The following CHST11 variants were observed in gnomAD, a reference collection of about 807,000 sequenced individuals.
The protein encoded by CHST11 is C4S-1.
A neutral mutation model predicts 30.4 loss-of-function variants in CHST11; 9 were observed. The observed-to-expected ratio is 0.30, with a 90% CI of 0.18 to 0.52. The LOEUF is 0.52. Among genes scored for constraint, CHST11 ranks in the 20% least tolerant of loss-of-function variants. The pLI, the probability that CHST11 is intolerant of heterozygous loss-of-function variation, is 0.97. For synonymous variants in CHST11, 152 were observed against 187.8 expected, an observed-to-expected ratio of 0.81 and a Z score of 1.56; for missense variants, 348 against 460.6, an observed-to-expected ratio of 0.76 and a Z score of 2.24.
chr12:104,470,660 G>A (rs1446171811), intron 1 of CHST11, among the ~76,000 whole-genome samples: 3 of 152,220 alleles, frequency 2.0e-5, no homozygotes, highest in African/African-American at 7.2e-5. Flanking sequence ...GTCAGCTGCT[G>A]TATTTGGATT....
At chr12:104,754,859 C>T (rs150885082) in intron 2 of CHST11, among the ~76,000 whole-genome samples, 262 of 152,224 alleles carry the variant, frequency 1.7e-3, no homozygotes, top group Middle Eastern at 3.4e-3. Context: ...TTTTTAGTGG[C>T]GATGGCATGT....
In CHST11 at chr12:104,475,658, T is replaced by TTTTATA. The variant is rs770441229; in HGVS notation, c.118+18130_118+18131insTTATAT. Among the ~76,000 whole-genome samples the TTTTATA allele has an allele frequency of 9.2e-3, 313 of 34,164 alleles. 9 individuals are homozygous for TTTTATA. The highest frequency in any genetic ancestry group is 0.085 in the East Asian group (87 of 1,024). The allele number at this position is 34,164 out of a possible 152,430, so 22.4% of individuals were successfully genotyped here. A position where few individuals can be genotyped will look rare whatever the true frequency, so the allele number is the denominator to read the frequency against. On this transcript the variant is annotated intron_variant, in intron 1 of 2. Coordinates refer to ENST00000303694, the MANE Select transcript of CHST11 (RefSeq NM_018413.6). ...TATGATGCCTCAGAGTAAAGCAGCA[T>TTTTATA]TATATATATATATATATATATATAT... is the stretch of plus-strand genomic sequence containing the variant.
At chr12:104,569,589 G>A (rs944051177) in intron 1 of CHST11, among the ~76,000 whole-genome samples, 1 of 152,186 alleles carries the variant, frequency 6.6e-6, no homozygotes, top group African/African-American at 2.4e-5. Context: ...GGATTGATCA[G>A]CAGCAGAACT....
At chr12:104,746,345 CA>C (rs2040388943) in intron 2 of CHST11, among the ~76,000 whole-genome samples, 1 of 152,210 alleles carries the variant, frequency 6.6e-6, no homozygotes, top group Non-Finnish European at 1.5e-5. Flanking sequence ...TAGGGTGAAA[CA>C]ACCCTTTCTC....
chr12:104,523,295 T>G (rs191083108), intron 1 of CHST11, among the ~76,000 whole-genome samples: 21 of 152,338 alleles, frequency 1.4e-4, no homozygotes, highest in Admixed American at 1.4e-3. Context: ...CTGGGAGAAT[T>G]CTTTTCGCTT....
At chr12:104,460,239 T>G (rs75260809) in intron 1 of CHST11, among the ~76,000 whole-genome samples, 47 of 152,280 alleles carry the variant, frequency 3.1e-4, no homozygotes, top group African/African-American at 1.1e-3. Context: ...GCACGGATTG[T>G]GTAGCTAAAA....
chr12:104,685,782 T>G (rs1275532435), intron 2 of CHST11, among the ~76,000 whole-genome samples: 2 of 152,226 alleles, frequency 1.3e-5, no homozygotes, highest in Admixed American at 6.5e-5. Context: ...AAATAACAGC[T>G]CCTGGCACTG....
chr12:104,567,782 T>C (rs951875074), intron 1 of CHST11, among the ~76,000 whole-genome samples: 2 of 152,156 alleles, frequency 1.3e-5, no homozygotes, highest in South Asian at 2.1e-4. Flanking sequence ...TGCAATAGTA[T>C]TGGGAGGTGA....
chr12:104,704,283 A>C (rs1324759028), intron 2 of CHST11, among the ~76,000 whole-genome samples: 1 of 152,178 alleles, frequency 6.6e-6, no homozygotes, highest in Non-Finnish European at 1.5e-5. Context: ...CTCCGTGCTC[A>C]GGGAGACCCA....
intron 2 of CHST11, among the ~76,000 whole-genome samples, chr12:104,711,361 A>AAAAAGAAAG (rs1368428753): frequency 6.6e-6 from 1 of 152,260 alleles, no homozygotes; most frequent in African/African-American, 2.4e-5. Context: ...TGCTTCTTAC[A>AAAAAGAAAG]AAAAGAAAGA....
chr12:104,533,473 A>G (rs2038205907), intron 1 of CHST11, among the ~76,000 whole-genome samples: 2 of 152,232 alleles, frequency 1.3e-5, no homozygotes, highest in African/African-American at 4.8e-5. Context: ...GCCTGAAAAT[A>G]TGACCAGGTG....
At chr12:104,495,508 G>T (rs1160326519) in intron 1 of CHST11, among the ~76,000 whole-genome samples, 3 of 150,332 alleles carry the variant, frequency 2.0e-5, no homozygotes, top group East Asian at 1.9e-4. Flanking sequence ...ATTTTTTTTT[G>T]ATAGTCACAG....
chr12:104,724,512 C>T (rs2040202361), intron 2 of CHST11, among the ~76,000 whole-genome samples: 1 of 151,966 alleles, frequency 6.6e-6, no homozygotes, highest in Non-Finnish European at 1.5e-5. Flanking sequence ...TGGTTTTCTG[C>T]CCATGTCGCT....
intron 1 of CHST11, among the ~76,000 whole-genome samples, chr12:104,506,571 G>A (rs2037907286): frequency 6.6e-6 from 1 of 152,170 alleles, no homozygotes; most frequent in Non-Finnish European, 1.5e-5. Flanking sequence ...GCCAGGATGA[G>A]GCTTGGAATC....
At chr12:104,463,490 C>T (rs558151751) in intron 1 of CHST11, among the ~76,000 whole-genome samples, 32 of 152,296 alleles carry the variant, frequency 2.1e-4, no homozygotes, top group Non-Finnish European at 2.1e-4. Flanking sequence ...CTGTCTGTCT[C>T]TCTCTCTTTT....
At chr12:104,537,547 T>G (rs1163040426) in intron 1 of CHST11, among the ~76,000 whole-genome samples, 3 of 152,344 alleles carry the variant, frequency 2.0e-5, no homozygotes, top group East Asian at 3.9e-4. Flanking sequence ...TGGAGATGGA[T>G]TTATGCCCTG....
chr12:104,566,412 G>A (rs2038567635), intron 1 of CHST11, among the ~76,000 whole-genome samples: 1 of 152,158 alleles, frequency 6.6e-6, no homozygotes, highest in South Asian at 2.1e-4. Flanking sequence ...CACTCATAAT[G>A]GAAATAATTT....
chr12:104,459,386 T>C (rs1388573968), intron 1 of CHST11, among the ~76,000 whole-genome samples: 2 of 152,110 alleles, frequency 1.3e-5, no homozygotes, highest in Admixed American at 6.5e-5. Context: ...GGGCCGGTGA[T>C]TTGGTCTAGA....
At chr12:104,521,030 C>G (rs2038069219) in intron 1 of CHST11, among the ~76,000 whole-genome samples, 1 of 152,052 alleles carries the variant, frequency 6.6e-6, no homozygotes, top group Non-Finnish European at 1.5e-5. Flanking sequence ...TTTTCCCCAG[C>G]TGCCCTAATT....
Sources: gnomAD v4.1 joint callset for allele counts (sites outside exome capture counted in the v4.1 genomes callset) on GRCh38, gnomAD v4.1.1 for gene constraint, MANE v1.5 for transcripts, NCBI Gene and HGNC (gene_info 2026-07-23, HGNC 2026-07-21) for gene names.